Variants in CHRNA3 observed in about 807,000 individuals in gnomAD.
CHRNA3 encodes neuronal acetylcholine receptor subunit alpha-3.
Under a neutral mutation model 41.9 loss-of-function variants are expected in CHRNA3, and 34 were observed. The observed-to-expected ratio is 0.81, with a 90% CI of 0.62 to 1.08. The LOEUF is 1.08. CHRNA3 is among the 50% of genes least tolerant of loss of function. The pLI is 0.00. For missense variants in CHRNA3, 542 were observed against 638.3 expected (o/e 0.85, Z 1.63); for synonymous variants, 281 against 265.2 (o/e 1.06, Z -0.58).
At chr15:78,593,488 G>A, downstream of CHRNA3, 1 of 303,258 alleles carries the variant, frequency 3.3e-6, no homozygotes, top group South Asian at 9.7e-5. Context: ...TATCTGAACT[G>A]GACTAGTGAA....
At chr15:78,605,361 G>GACC (rs1042132771) in intron 4 of CHRNA3, among the ~76,000 whole-genome samples, 2 of 152,134 alleles carry the variant, frequency 1.3e-5, no homozygotes, top group African/African-American at 2.4e-5. Flanking sequence ...TGTGCGGTCA[G>GACC]ACCACCACCA....
intron 4 of CHRNA3, among the ~76,000 whole-genome samples, chr15:78,616,586 A>G (rs960589011): frequency 6.6e-6 from 1 of 151,826 alleles, no homozygotes; most frequent in Admixed American, 6.6e-5. Flanking sequence ...CCCCCTCCAC[A>G]CACTGGGGTT....
At chr15:78,605,480 G>T (rs1339055356) in intron 4 of CHRNA3, among the ~76,000 whole-genome samples, 1 of 151,760 alleles carries the variant, frequency 6.6e-6, no homozygotes, top group East Asian at 1.9e-4. Flanking sequence ...CCAGACACAG[G>T]AATCTCCAAA....
Position 78,595,380 on chromosome 15 carries a change from ATC to A in CHRNA3, c.*1222_*1223del. The A allele has an allele frequency of 1.0e-6, 1 of 983,898 alleles. No individual in the cohort carries two copies. The highest frequency in any genetic ancestry group is 1.2e-6 in the Non-Finnish European group (1 of 828,928). 60.9% of individuals were successfully genotyped at this position (983,898 alleles called of 1,614,324 possible). ...AAGATTCAAACAGTCTCTGTGAATC[ATC>A]TGTCAGTGGTGATGATCACGTTAAG... is the stretch of plus-strand genomic sequence containing the variant. On this transcript the variant is annotated 3_prime_UTR_variant, in exon 6 of 6. Coordinates refer to ENST00000326828, the MANE Select transcript of CHRNA3 (RefSeq NM_000743.5).
At chr15:78,598,488 G>A (rs1358675555) in intron 5 of CHRNA3, among the ~76,000 whole-genome samples, 3 of 151,342 alleles carry the variant, frequency 2.0e-5, no homozygotes, top group Non-Finnish European at 2.9e-5. Flanking sequence ...TTGACCTCCC[G>A]GGCTCAAGTA....
At chr15:78,619,035 C>T (rs2053510365) in intron 1 of CHRNA3, 120 bp from the exon 2 acceptor site, 2 of 1,203,940 alleles carry the variant, frequency 1.7e-6, no homozygotes, top group African/African-American at 1.5e-5. Context: ...TTCTGTGGAA[C>T]CCTAGACTTT....
intron 4 of CHRNA3, among the ~76,000 whole-genome samples, chr15:78,616,358 C>T (rs1235987805): frequency 1.6e-5 from 2 of 124,248 alleles, no homozygotes; most frequent in Admixed American, 1.6e-4. Context: ...CTTCCCCCCC[C>T]CACCCCCCCA....
chr15:78,607,680 G>A (rs980748090), intron 4 of CHRNA3, among the ~76,000 whole-genome samples: 7 of 152,238 alleles, frequency 4.6e-5, no homozygotes, highest in African/African-American at 1.7e-4. Context: ...TTCCATCTGA[G>A]GTACCAGGTT....
intron 4 of CHRNA3, among the ~76,000 whole-genome samples, chr15:78,615,127 T>G (rs2053441121): frequency 6.6e-6 from 1 of 152,168 alleles, no homozygotes; most frequent in Non-Finnish European, 1.5e-5. Context: ...ACGACCTGGA[T>G]GCAGCCACCC....
intron 4 of CHRNA3, among the ~76,000 whole-genome samples, chr15:78,605,269 G>T (rs548726621): frequency 6.6e-6 from 1 of 152,014 alleles, no homozygotes; most frequent in Non-Finnish European, 1.5e-5. Flanking sequence ...AGAAAAATAG[G>T]GCAACTAGGA....
chr15:78,614,486 G>A (rs577518000), intron 4 of CHRNA3, among the ~76,000 whole-genome samples: 1 of 152,328 alleles, frequency 6.6e-6, no homozygotes, highest in East Asian at 1.9e-4. Context: ...AACATGGACT[G>A]TCTTTAGAGT....
At chr15:78,600,826 C>A (rs1443139930) in intron 5 of CHRNA3, among the ~76,000 whole-genome samples, 1 of 152,080 alleles carries the variant, frequency 6.6e-6, no homozygotes, top group Non-Finnish European at 1.5e-5. Context: ...CAAGATTGCG[C>A]CACTGCACTC....
At chr15:78,607,123 G>T (rs2053301962) in intron 4 of CHRNA3, among the ~76,000 whole-genome samples, 1 of 151,716 alleles carries the variant, frequency 6.6e-6, no homozygotes, top group African/African-American at 2.4e-5. Context: ...CGGCTACTCA[G>T]GAGGCTGAGG....
At chr15:78,614,633 A>G (rs2053435182) in intron 4 of CHRNA3, among the ~76,000 whole-genome samples, 1 of 152,264 alleles carries the variant, frequency 6.6e-6, no homozygotes, top group African/African-American at 2.4e-5. Context: ...AATATGGCAT[A>G]AAAACCTAGA....
At chr15:78,610,047 C>T (rs946013806) in intron 4 of CHRNA3, among the ~76,000 whole-genome samples, 14 of 152,146 alleles carry the variant, frequency 9.2e-5, no homozygotes, top group Non-Finnish European at 1.5e-4. Context: ...TATATAGGCA[C>T]CCAATACAGG....
In CHRNA3 at chr15:78,595,367, G is replaced by GTCCC; in HGVS notation, c.*1236_*1237insGGGA. On this transcript the variant is annotated 3_prime_UTR_variant, in exon 6 of 6. Transcript: ENST00000326828. ...AAACTAGTGAGACAAGATTCAAACAGTCTCTGTGAATCATCTGTCAGTGGT... is the reference window on the plus strand; with the variant it reads ...AAACTAGTGAGACAAGATTCAAACAGTCCCTCTCTGTGAATCATCTGTCAGTGGT... 3.1e-6 allele frequency: 3 copies of GTCCC among 982,604 alleles called. No individual in the cohort carries two copies. The highest frequency in any genetic ancestry group is 3.6e-6 in the Non-Finnish European group (3 of 827,768). 60.9% of individuals were successfully genotyped at this position (982,604 alleles called of 1,614,324 possible).
chr15:78,601,646 G>A lies in CHRNA3; in HGVS notation c.996C>T (p.Thr332=). The A allele has an allele frequency of 1.2e-6, 2 of 1,614,142 alleles. No homozygotes were observed. Among genetic ancestry groups the A allele is most frequent in the Non-Finnish European group, 1.7e-6 (2 of 1,180,024 alleles). ...ATGAGGGCATTGTGTGTGTCGTCGGGGTTCTGTAGTGCACGTTGAGCACGA... is the reference window on the plus strand; with the variant it reads ...ATGAGGGCATTGTGTGTGTCGTCGGAGTTCTGTAGTGCACGTTGAGCACGA... ...TVFVLNVHYR[T]PTTHTMPSWV... is the part of the protein sequence containing the mutation. The change falls in exon 5 of 6, where the codon ACC becomes ACT. Residue 332 remains threonine, a synonymous_variant. Coordinates refer to ENST00000326828, the MANE Select transcript of CHRNA3 (RefSeq NM_000743.5).
At chr15:78,613,220 G>C (rs925295936) in intron 4 of CHRNA3, among the ~76,000 whole-genome samples, 20 of 152,236 alleles carry the variant, frequency 1.3e-4, no homozygotes, top group Non-Finnish European at 1.9e-4. Context: ...CCATTACTGG[G>C]TATATACCCA....
At chr15:78,615,471 A>G (rs138944634) in intron 4 of CHRNA3, among the ~76,000 whole-genome samples, 2 of 152,166 alleles carry the variant, frequency 1.3e-5, no homozygotes, top group African/African-American at 4.8e-5. Flanking sequence ...TGGCTGTGCC[A>G]CACATCCACT....
Sources: allele counts gnomAD v4.1 joint callset (sites outside exome capture counted in the v4.1 genomes callset), GRCh38; gene constraint gnomAD v4.1.1; transcripts MANE v1.5; gene names NCBI Gene and HGNC (gene_info 2026-07-23, HGNC 2026-07-21).